The following PRKCH variants were observed in gnomAD, a reference collection of about 807,000 sequenced individuals.
The protein encoded by PRKCH is protein kinase C eta type.
In PRKCH, 28 loss-of-function variants were observed where a neutral mutation model predicts 82.5. The ratio of observed to expected loss-of-function variants is 0.34; its 90% CI spans 0.25 to 0.47. The LOEUF (loss-of-function observed/expected upper bound fraction) is 0.47, where lower values mean the gene tolerates loss of function less well. PRKCH is among the 20% of genes least tolerant of loss of function. The pLI is 1.00. For missense variants in PRKCH, 705 were observed against 881.8 expected (o/e 0.80, Z 2.54); for synonymous variants, 322 against 327.4 (o/e 0.98, Z 0.18).
At chr14:61,273,098 G>A (rs562949559) in intron 1 of PRKCH, among the ~76,000 whole-genome samples, 2 of 152,258 alleles carry the variant, frequency 1.3e-5, no homozygotes, top group East Asian at 3.9e-4. Context: ...CTGATGTATT[G>A]AAGTAATATT....
intron 1 of PRKCH, among the ~76,000 whole-genome samples, chr14:61,211,408 G>A (rs2044579544): frequency 6.6e-6 from 1 of 152,164 alleles, no homozygotes; most frequent in South Asian, 2.1e-4. Context: ...TCCTTAGAAA[G>A]GCAGTTCCAG....
intron 2 of PRKCH, 109 bp downstream of exon 2, chr14:61,391,397 TA>T: frequency 2.1e-6 from 2 of 962,078 alleles, no homozygotes; most frequent in Non-Finnish European, 3.0e-6. Context: ...AAGAGATGCT[TA>T]AAAAATCACT....
At chr14:61,540,990 C>T (rs2043176875) in intron 12 of PRKCH, among the ~76,000 whole-genome samples, 1 of 152,278 alleles carries the variant, frequency 6.6e-6, no homozygotes, top group Non-Finnish European at 1.5e-5. Flanking sequence ...ATCCCACCCC[C>T]AGTGGACTGT....
At chr14:61,244,779 A>G (rs2044866538) in intron 1 of PRKCH, among the ~76,000 whole-genome samples, 1 of 152,224 alleles carries the variant, frequency 6.6e-6, no homozygotes, top group Non-Finnish European at 1.5e-5. Flanking sequence ...CTGGTCTTCC[A>G]ACCTGTTACC....
At chr14:61,346,193 T>G (rs1250693170) in intron 1 of PRKCH, among the ~76,000 whole-genome samples, 1 of 151,330 alleles carries the variant, frequency 6.6e-6, no homozygotes, top group Non-Finnish European at 1.5e-5. Flanking sequence ...GTGGCACCAA[T>G]TTTTTTTTAG....
chr14:61,330,955 C>A (rs1594919254), intron 1 of PRKCH, among the ~76,000 whole-genome samples: 1 of 151,556 alleles, frequency 6.6e-6, no homozygotes, highest in African/African-American at 2.4e-5. Context: ...CTGATGAGCT[C>A]AAAAAAAATC....
intron 2 of PRKCH, among the ~76,000 whole-genome samples, chr14:61,395,293 C>CCCG (rs1381193185): frequency 1.4e-5 from 2 of 144,780 alleles, no homozygotes; most frequent in East Asian, 2.1e-4. Context: ...AAATGGAGCC[C>CCCG]CCCCCCGCAT....
chr14:61,436,111 G>A (rs1270567237), intron 2 of PRKCH, among the ~76,000 whole-genome samples: 1 of 152,136 alleles, frequency 6.6e-6, no homozygotes, highest in African/African-American at 2.4e-5. Context: ...TGGAACTTTG[G>A]CCCTGTTGCA....
chr14:61,499,127 C>G (rs1196485252), intron 10 of PRKCH, among the ~76,000 whole-genome samples: 1 of 152,168 alleles, frequency 6.6e-6, no homozygotes, highest in East Asian at 1.9e-4. Flanking sequence ...AGACCAAATC[C>G]TTCTCCTAGA....
intron 10 of PRKCH, among the ~76,000 whole-genome samples, chr14:61,504,128 T>TC (rs1201960548): frequency 6.6e-6 from 1 of 152,096 alleles, no homozygotes; most frequent in Non-Finnish European, 1.5e-5. Flanking sequence ...CCCAGAAAAG[T>TC]CCCAGTTTGC....
At chr14:61,247,600 G>A (rs1420317043) in intron 1 of PRKCH, among the ~76,000 whole-genome samples, 3 of 152,004 alleles carry the variant, frequency 2.0e-5, no homozygotes, top group African/African-American at 4.8e-5. Context: ...GCCAGGTATA[G>A]TGGCATGTGC....
chr14:61,433,530 G>A (rs1883522884), intron 2 of PRKCH, among the ~76,000 whole-genome samples: 1 of 152,188 alleles, frequency 6.6e-6, no homozygotes, highest in African/African-American at 2.4e-5. Flanking sequence ...TGGGCTTGAA[G>A]GCTGGGGTGG....
At chr14:61,201,049 T>C (rs2044477322) in intron 1 of PRKCH, among the ~76,000 whole-genome samples, 1 of 152,134 alleles carries the variant, frequency 6.6e-6, no homozygotes, top group East Asian at 1.9e-4. Context: ...TGGGATTATT[T>C]TGAACTGATG....
At chr14:61,334,226 G>A (rs1182708249) in intron 1 of PRKCH, among the ~76,000 whole-genome samples, 1 of 152,164 alleles carries the variant, frequency 6.6e-6, no homozygotes, top group Non-Finnish European at 1.5e-5. Flanking sequence ...GCCTGAGCCT[G>A]TTCTAGGTGT....
chr14:61,259,386 T>C (rs972930238), intron 1 of PRKCH, among the ~76,000 whole-genome samples: 12 of 152,180 alleles, frequency 7.9e-5, no homozygotes, highest in Non-Finnish European at 1.6e-4. Flanking sequence ...TCATTCACAC[T>C]GACTGACTAA....
intron 1 of PRKCH, among the ~76,000 whole-genome samples, chr14:61,376,803 C>T (rs565942318): frequency 2.2e-4 from 34 of 152,326 alleles, no homozygotes; most frequent in African/African-American, 7.7e-4. Context: ...CCAAACCTTT[C>T]GTCCATTGCA....
intron 1 of PRKCH, among the ~76,000 whole-genome samples, chr14:61,267,462 T>C (rs780414608): frequency 6.6e-6 from 1 of 152,174 alleles, no homozygotes; most frequent in South Asian, 2.1e-4. Flanking sequence ...ACGAACTACA[T>C]GTAGGCTTTG....
Position 61,247,755 on chromosome 14 carries a change from A to AAAAG in PRKCH, c.-19+60100_-19+60103dup, listed in dbSNP as rs1566793679. The stretch of plus-strand genomic sequence containing the variant: ...CATCTCAAAAAAAAAAAAAAAAAAA[A>AAAAG]AAAGAAAGAAAGAAAGGAATTGAAC... On this transcript the variant is annotated intron_variant, in intron 1 of 3. Coordinates refer to the PRKCH transcript ENST00000555185. Among the ~76,000 whole-genome samples, 58 of 149,440 alleles carry AAAAG rather than the reference A, an allele frequency of 3.9e-4. 3 individuals are homozygous for AAAAG. The Middle Eastern group carries it at 0.01, about 27-fold the overall frequency.
intron 1 of PRKCH, among the ~76,000 whole-genome samples, chr14:61,247,755 A>AG (rs551965460): frequency 8.0e-5 from 12 of 149,458 alleles, no homozygotes; most frequent in South Asian, 2.2e-4. Context: ...AAAAAAAAAA[A>AG]AAAGAAAGAA....
Sources: gnomAD v4.1 joint callset for allele counts (sites outside exome capture counted in the v4.1 genomes callset) on GRCh38, gnomAD v4.1.1 for gene constraint, MANE v1.5 for transcripts, NCBI Gene and HGNC (gene_info 2026-07-23, HGNC 2026-07-21) for gene names.